The following CCDC18 variants were observed in gnomAD, a reference collection of about 807,000 sequenced individuals.
CCDC18 encodes coiled-coil domain containing 18.
Under a neutral mutation model 196.0 loss-of-function variants are expected in CCDC18, and 157 were observed. The ratio of observed to expected loss-of-function variants is 0.80; its 90% CI spans 0.70 to 0.91. The LOEUF (loss-of-function observed/expected upper bound fraction) is 0.91. Among genes scored for constraint, CCDC18 ranks in the 40% least tolerant of loss-of-function variants. The pLI, the probability that CCDC18 is intolerant of heterozygous loss-of-function variation, is 0.00. For synonymous variants in CCDC18, 482 were observed against 529.2 expected (o/e 0.91, Z 1.22); for missense variants, 1,465 against 1,611.6 (o/e 0.91, Z 1.56).
rs571709223 is a variant in CCDC18 at position 93,202,270 on chromosome 1, A to G, written c.795+282A>G. Among the ~76,000 whole-genome samples, 4 of 152,332 alleles carry G rather than the reference A, an allele frequency of 2.6e-5. No individual in the cohort carries two copies. In the East Asian group the frequency reaches 7.7e-4, roughly 29 times the overall value. ...GAATGTGTTAACAGAGACTGGAGCT[A>G]AAGAAGTAGAAAAAAGAAATTCATT... On this transcript the variant is annotated intron_variant, in intron 7 of 28. Coordinates refer to ENST00000690025, the MANE Select transcript of CCDC18 (RefSeq NM_001378204.1).
chr1:93,274,529 A>C (rs1436193829), intron 28 of CCDC18, among the ~76,000 whole-genome samples: 1 of 152,044 alleles, frequency 6.6e-6, no homozygotes, highest in Non-Finnish European at 1.5e-5. Context: ...ATTATCATTG[A>C]AGATCAATGC....
Position 93,217,720 on chromosome 1 carries a change from A to G in CCDC18, c.1831-18A>G. Reference sequence around the variant, plus strand: ...TCCCAAATCAATTATACTCCTTTAAAGTGTTTTGTGTTTCTAGGAAAAGAA... The same window carrying G: ...TCCCAAATCAATTATACTCCTTTAAGGTGTTTTGTGTTTCTAGGAAAAGAA... On this transcript the variant is annotated intron_variant, in intron 13 of 28. Coordinates refer to ENST00000690025, the MANE Select transcript of CCDC18 (RefSeq NM_001378204.1). 1 of 1,593,606 alleles carries G rather than the reference A, an allele frequency of 6.3e-7. No homozygotes were observed. Among genetic ancestry groups the G allele is most frequent in the Admixed American group, 1.8e-5 (1 of 55,458 alleles).
At chr1:93,180,281 T>C (rs1298149638), upstream of CCDC18, 1 of 1,566,644 alleles carries the variant, frequency 6.4e-7, no homozygotes, top group Non-Finnish European at 8.6e-7. Flanking sequence ...AGGCGTCAGG[T>C]ACTGTTGTCT....
intron 4 of CCDC18, chr1:93,190,928 G>C: frequency 1.3e-6 from 1 of 790,808 alleles, no homozygotes; most frequent in Non-Finnish European, 2.2e-6. Context: ...TAACCACTCT[G>C]CTTCCTGTCA....
chr1:93,216,654 C>G lies in CCDC18; in HGVS notation c.1738C>G (p.Gln580Glu). Residue 580 changes from glutamine to glutamate, a missense_variant, in exon 13 of 29, where the codon CAA becomes GAA. Coordinates refer to ENST00000690025, the MANE Select transcript of CCDC18 (RefSeq NM_001378204.1). Reference sequence around the variant, plus strand: ...TTTTCAGATGACAAAGAAATGTTCTCAACTTTTAACTCTTGAGAAACAGCT... The same window carrying G: ...TTTTCAGATGACAAAGAAATGTTCTGAACTTTTAACTCTTGAGAAACAGCT... ...LESEMTKKCS[Q>E]LLTLEKQLEE... 1 of 1,550,704 alleles carries G rather than the reference C, an allele frequency of 6.4e-7. No individual in the cohort carries two copies. The highest frequency in any genetic ancestry group is 8.7e-7 in the Non-Finnish European group (1 of 1,147,912).
chr1:93,180,224 G>A, upstream of CCDC18: 1 of 1,611,676 alleles, frequency 6.2e-7, no homozygotes, highest in South Asian at 1.1e-5. Context: ...GGGAAGGGCA[G>A]CCAGATCTTG....
At chr1:93,208,981 G>A (rs749405275) in intron 9 of CCDC18, among the ~76,000 whole-genome samples, 2 of 150,366 alleles carry the variant, frequency 1.3e-5, no homozygotes, top group South Asian at 2.1e-4. Context: ...TTTTTGAAAC[G>A]AAGTTTCACT....
intron 27 of CCDC18, among the ~76,000 whole-genome samples, chr1:93,266,411 A>T (rs1664509973): frequency 6.6e-6 from 1 of 152,212 alleles, no homozygotes; most frequent in Admixed American, 6.5e-5. Flanking sequence ...AACACATTCA[A>T]AAGCTAGCAG....
chr1:93,270,811 T>C lies in CCDC18; in HGVS notation c.4350T>C (p.Asn1450=). ...CTATGCAAACAGGTGCTGGTTTAAA[T>C]CAGGTATGTATTTTATACACTGTAA... ...KSSMQTGAGL[N]QGENV The change falls in exon 28 of 29, where the codon AAT becomes AAC. Residue 1450 remains asparagine, a synonymous_variant. Coordinates refer to ENST00000690025, the MANE Select transcript of CCDC18 (RefSeq NM_001378204.1). The C allele has an allele frequency of 6.6e-7, 1 of 1,524,636 alleles. No homozygotes were observed. Among genetic ancestry groups the C allele is most frequent in the Non-Finnish European group, 8.8e-7 (1 of 1,135,050 alleles). The allele number at this position is 1,524,636 out of a possible 1,614,324, so 94.4% of individuals were successfully genotyped here.
chr1:93,259,682 A>C (rs543469511), intron 26 of CCDC18, among the ~76,000 whole-genome samples: 1 of 152,306 alleles, frequency 6.6e-6, no homozygotes, highest in Admixed American at 6.5e-5. Flanking sequence ...AACAAAACAT[A>C]TTTACAAGCT....
chr1:93,213,112 G>A (rs115535041), intron 11 of CCDC18, among the ~76,000 whole-genome samples: 4 of 152,228 alleles, frequency 2.6e-5, no homozygotes, highest in East Asian at 3.9e-4. Flanking sequence ...GCAGTAATGC[G>A]AGCGATTGGG....
At chr1:93,197,969 T>C (rs1429501973) in intron 6 of CCDC18, among the ~76,000 whole-genome samples, 3 of 151,974 alleles carry the variant, frequency 2.0e-5, no homozygotes, top group African/African-American at 4.8e-5. Flanking sequence ...GCCAGGATGA[T>C]CTCAATCTCC....
At chr1:93,223,404 G>C (rs11808445) in intron 16 of CCDC18, among the ~76,000 whole-genome samples, 1 of 152,060 alleles carries the variant, frequency 6.6e-6, no homozygotes, top group Non-Finnish European at 1.5e-5. Flanking sequence ...ATTTATAGCA[G>C]CAAAATAGAA....
chr1:93,195,226 C>T (rs1383221154), intron 6 of CCDC18, among the ~76,000 whole-genome samples: 1 of 152,100 alleles, frequency 6.6e-6, no homozygotes, highest in African/African-American at 2.4e-5. Flanking sequence ...ACATTCTGGG[C>T]AGCATGTGCA....
chr1:93,209,318 A>G (rs771817599), intron 9 of CCDC18, among the ~76,000 whole-genome samples: 10 of 152,206 alleles, frequency 6.6e-5, no homozygotes, highest in Admixed American at 1.3e-4. Flanking sequence ...TTGTGACCAT[A>G]TATATAAATG....
intron 7 of CCDC18, among the ~76,000 whole-genome samples, chr1:93,204,825 G>A (rs1412600192): frequency 1.3e-5 from 2 of 151,908 alleles, no homozygotes; most frequent in African/African-American, 4.8e-5. Context: ...TAATCAGAAC[G>A]CTGTTTTGAG....
At chr1:93,200,638 C>T (rs569219704) in intron 6 of CCDC18, among the ~76,000 whole-genome samples, 1 of 152,316 alleles carries the variant, frequency 6.6e-6, no homozygotes, top group African/African-American at 2.4e-5. Flanking sequence ...GGAAGGGACA[C>T]ATAAGGACCT....
intron 12 of CCDC18, 137 bp from the exon 13 acceptor site, chr1:93,216,499 G>A: frequency 2.1e-6 from 1 of 478,626 alleles, no homozygotes; most frequent in Admixed American, 4.4e-5. Flanking sequence ...CATCCTAAAT[G>A]TTTATAACTG....
At chr1:93,186,637 A>G (rs759610793) in intron 4 of CCDC18, 134 bp downstream of exon 4, 35 of 588,836 alleles carry the variant, frequency 5.9e-5, no homozygotes, top group Middle Eastern at 8.9e-4. Flanking sequence ...ATACTATAGT[A>G]TCAACATGTT....
Sources: gnomAD v4.1 joint callset for allele counts (sites outside exome capture counted in the v4.1 genomes callset) on GRCh38, gnomAD v4.1.1 for gene constraint, MANE v1.5 for transcripts, NCBI Gene and HGNC (gene_info 2026-07-23, HGNC 2026-07-21) for gene names.